The following TSPAN16 variants were observed in gnomAD, a reference collection of about 807,000 sequenced individuals.
The protein encoded by TSPAN16 is tetraspanin-16.
Under a neutral mutation model 25.2 loss-of-function variants are expected in TSPAN16, and 23 were observed. The ratio of observed to expected loss-of-function variants is 0.91; its 90% CI spans 0.66 to 1.29. TSPAN16 has a LOEUF of 1.29. Among genes scored for constraint, TSPAN16 ranks in the 50% most tolerant of loss-of-function variants. TSPAN16 has a pLI of 0.00. For missense variants in TSPAN16, 272 were observed against 299.9 expected, an observed-to-expected ratio of 0.91 and a Z score of 0.69; for synonymous variants, 123 against 124.4, an observed-to-expected ratio of 0.99 and a Z score of 0.08.
downstream of TSPAN16, among the ~76,000 whole-genome samples, chr19:11,316,583 T>A (rs896153216): frequency 6.6e-6 from 1 of 152,156 alleles, no homozygotes; most frequent in Admixed American, 6.6e-5. Flanking sequence ...CTTTTTTAAA[T>A]TGACAAGTCA....
At position 11,297,797 on chromosome 19, in the gene TSPAN16, T is replaced by C. The variant is rs942352455; in HGVS notation, c.70-345T>C. Among the ~76,000 whole-genome samples, 9 of 151,276 alleles carry C rather than the reference T, an allele frequency of 5.9e-5. No homozygotes were observed. The Admixed American group carries it at 6.0e-4, about 10-fold the overall frequency. ...CAGGTGTGAGCCACTGTGGCTGGCC[T>C]ATTTTATTTTTTGAGACAAGGTCTT... On this transcript the variant is annotated intron_variant, in intron 1 of 6. Coordinates refer to ENST00000590327, the MANE Select transcript of TSPAN16 (RefSeq NM_001282509.2).
chr19:11,306,348 CA>C (rs2080626088), intron 4 of TSPAN16, among the ~76,000 whole-genome samples: 1 of 151,966 alleles, frequency 6.6e-6, no homozygotes, highest in Non-Finnish European at 1.5e-5. Flanking sequence ...CATCTGCCAC[CA>C]TGCCTGGCTA....
chr19:11,298,929 C>A lies in TSPAN16; in HGVS notation c.325C>A (p.Leu109Ile), dbSNP rs1187805163. The change falls in exon 3 of 7, where the codon CTT (leucine) becomes ATT (isoleucine). Residue 109 changes from leucine (L) to isoleucine (I), a missense_variant. Coordinates refer to ENST00000590327, the MANE Select transcript of TSPAN16 (RefSeq NM_001282509.2). ...GGAAGTTACAGCTGCCACAGTGGTC[C>A]TTCTTTTCTTTCCAATTGTAAGTAC... ...IMEVTAATVVLLFFPIVGDVA... is the reference protein window; with the variant it reads ...IMEVTAATVVILFFPIVGDVA... The A allele has an allele frequency of 6.2e-7, 1 of 1,614,088 alleles. No homozygotes were observed. Among genetic ancestry groups the A allele is most frequent in the East Asian group, 2.2e-5 (1 of 44,876 alleles).
downstream of TSPAN16, among the ~76,000 whole-genome samples, chr19:11,317,361 G>A (rs760937484): frequency 1.3e-5 from 2 of 152,160 alleles, no homozygotes; most frequent in African/African-American, 4.8e-5. Flanking sequence ...TATCACCCAT[G>A]CTGGAGTGCA....
downstream of TSPAN16, among the ~76,000 whole-genome samples, chr19:11,319,826 GTTT>G (rs1309993030): frequency 1.3e-5 from 2 of 151,706 alleles, no homozygotes; most frequent in African/African-American, 4.8e-5. Context: ...GTTTTGTTTT[GTTT>G]TTTGAGACGG....
At chr19:11,299,141 C>G (rs1022864922) in intron 3 of TSPAN16, among the ~76,000 whole-genome samples, 195 bp downstream of exon 3, 1 of 151,930 alleles carries the variant, frequency 6.6e-6, no homozygotes, top group Admixed American at 6.6e-5. Context: ...ATTAGCCAGG[C>G]GTGATAGCAC....
chr19:11,318,926 C>T (rs1254045689), downstream of TSPAN16, among the ~76,000 whole-genome samples: 1 of 152,192 alleles, frequency 6.6e-6, no homozygotes, highest in Non-Finnish European at 1.5e-5. Flanking sequence ...GGATTACAGG[C>T]GTAAGCCACT....
At chr19:11,318,487 C>CTAA (rs2080760499), downstream of TSPAN16, among the ~76,000 whole-genome samples, 1 of 151,450 alleles carries the variant, frequency 6.6e-6, no homozygotes, top group Non-Finnish European at 1.5e-5. Flanking sequence ...TTTAATTGAA[C>CTAA]TGGGCTGTGA....
intron 6 of TSPAN16, chr19:11,323,314 C>G (rs1952660748): frequency 1.3e-5 from 2 of 152,216 alleles, no homozygotes; most frequent in South Asian, 4.1e-4. Flanking sequence ...ATACCCTCGG[C>G]TGGGCGTGAT....
chr19:11,321,454 G>C (rs778851237), intron 6 of TSPAN16: 1 of 152,180 alleles, frequency 6.6e-6, no homozygotes, highest in South Asian at 2.1e-4. Flanking sequence ...CCCTTGACAC[G>C]TGAGGATTAT....
At chr19:11,323,436 C>A (rs1008064153) in intron 6 of TSPAN16, 2 of 151,938 alleles carry the variant, frequency 1.3e-5, no homozygotes, top group African/African-American at 4.8e-5. Flanking sequence ...ACTAAAAATA[C>A]AAAATTTAGC....
downstream of TSPAN16, chr19:11,316,119 T>TGTGTGTGTG (rs1491440242): frequency 2.0e-4 from 25 of 128,084 alleles, no homozygotes; most frequent in Middle Eastern, 2.8e-3. Context: ...GTGTGTGTGG[T>TGTGTGTGTG]TTTTTTTTTT....
Position 11,298,145 on chromosome 19 carries a change from T to C in TSPAN16, c.73T>C (p.Ser25Pro). 3 of 1,614,142 alleles carry C rather than the reference T, an allele frequency of 1.9e-6. No homozygotes were observed. The highest frequency in any genetic ancestry group is 2.5e-6 in the Non-Finnish European group (3 of 1,179,994). ...CTTTCTGGTTTCTGTTCTAAAGGTG[T>C]CTGGCATCATCCTAGTTGGCCTGGG... ...LSLLNGFVAVSGIILVGLGIG... is the reference protein window; with the variant it reads ...LSLLNGFVAVPGIILVGLGIG... The change falls in exon 2 of 7, where the codon TCT becomes CCT. Residue 25 changes from serine to proline, a missense_variant. Transcript: ENST00000590327.
chr19:11,301,335 T>C, intron 4 of TSPAN16, 27 bp downstream of exon 4: 2 of 1,557,578 alleles, frequency 1.3e-6, no homozygotes, highest in Non-Finnish European at 1.8e-6. Context: ...AAAAAAAAAT[T>C]GTGGTGTAAA....
downstream of TSPAN16, among the ~76,000 whole-genome samples, chr19:11,319,792 G>A (rs145827332): frequency 1.1e-3 from 161 of 152,040 alleles, no homozygotes; most frequent in African/African-American, 3.8e-3. Context: ...CTCCAAACCT[G>A]TCATTTAGGT....
intron 4 of TSPAN16, among the ~76,000 whole-genome samples, chr19:11,303,694 A>G (rs1419029598): frequency 6.7e-6 from 1 of 150,096 alleles, no homozygotes; most frequent in Admixed American, 6.6e-5. Flanking sequence ...AGGAACTGCC[A>G]GACTCCTTTC....
chr19:11,300,734 T>C (rs2080535242), intron 3 of TSPAN16: 2 of 154,970 alleles, frequency 1.3e-5, no homozygotes, highest in South Asian at 3.9e-4. Context: ...TTTCATGGTC[T>C]GTTCTCCTGT....
At chr19:11,306,792 CCT>C (rs1283131372) in intron 5 of TSPAN16, 36 bp downstream of exon 5, 2 of 1,581,732 alleles carry the variant, frequency 1.3e-6, no homozygotes, top group Non-Finnish European at 1.7e-6. Flanking sequence ...TTGACAGACC[CCT>C]GAGGGCTGGT....
chr19:11,316,179 C>A (rs567436537), downstream of TSPAN16, among the ~76,000 whole-genome samples: 1 of 149,392 alleles, frequency 6.7e-6, no homozygotes, highest in Non-Finnish European at 1.5e-5. Context: ...AGTGCAATGG[C>A]ACGATCTCAG....
Sources: gnomAD v4.1 joint callset for allele counts (sites outside exome capture counted in the v4.1 genomes callset) on GRCh38, gnomAD v4.1.1 for gene constraint, MANE v1.5 for transcripts, NCBI Gene and HGNC (gene_info 2026-07-23, HGNC 2026-07-21) for gene names.